The following MEAK7 variants were observed in gnomAD, a reference collection of about 807,000 sequenced individuals.
The protein encoded by MEAK7 is MTOR-associated protein MEAK7.
In MEAK7, 68 loss-of-function variants were observed where a neutral mutation model predicts 40.5. The observed-to-expected ratio is 1.68, with a 90% confidence interval of 1.38 to 2.06. MEAK7 has a LOEUF of 2.06. Among genes scored for constraint, MEAK7 ranks in the 30% most tolerant of loss-of-function variants. The pLI is 0.00. For missense variants in MEAK7, 918 were observed against 580.5 expected, an observed-to-expected ratio of 1.58 and a Z score of -5.98; for synonymous variants, 338 against 231.9, an observed-to-expected ratio of 1.46 and a Z score of -4.16.
chr16:84,501,812 A>G (rs1914527994), intron 1 of MEAK7, among the ~76,000 whole-genome samples: 1 of 152,180 alleles, frequency 6.6e-6, no homozygotes, highest in Non-Finnish European at 1.5e-5. Flanking sequence ...GAACGGCTCA[A>G]GGACAGCCCG....
chr16:84,488,569 G>A (rs190956381), intron 4 of MEAK7: 4 of 152,124 alleles, frequency 2.6e-5, no homozygotes, highest in Middle Eastern at 3.4e-3. Flanking sequence ...AAATTTTAAA[G>A]GATTCAAATA....
In MEAK7 at chr16:84,486,772, C is replaced by T. The variant is rs759631660; in HGVS notation, c.817G>A (p.Glu273Lys). Residue 273 changes from glutamate to lysine, a missense_variant, in exon 5 of 8, where the codon GAG becomes AAG. Physicochemically the swap from Glu to Lys is moderately conservative, Grantham distance 56 (BLOSUM62 1). Coordinates refer to ENST00000343629, the MANE Select transcript of MEAK7 (RefSeq NM_020947.4). ...RHRWCLLFSS[E>K]LHGHSFSQLC... ...TGGGAGAAGCTGTGTCCATGGAGCT[C>T]AGACGAAAAGAGCAGGCACCAGCGG... The T allele has an allele frequency of 6.2e-7, 1 of 1,614,012 alleles. No individual in the cohort carries two copies. Among genetic ancestry groups the T allele is most frequent in the East Asian group, 2.2e-5 (1 of 44,884 alleles).
intron 6 of MEAK7, among the ~76,000 whole-genome samples, chr16:84,481,945 G>A (rs1281013381): frequency 6.6e-6 from 1 of 151,940 alleles, no homozygotes; most frequent in Admixed American, 6.6e-5. Flanking sequence ...AGAAAAAAAA[G>A]AAAAGAAAAG....
rs904166221 is a variant in MEAK7 at position 84,476,539 on chromosome 16, C to T, written c.*3374G>A. 1 of 152,062 alleles carries T rather than the reference C, an allele frequency of 6.6e-6. No homozygotes were observed. Among genetic ancestry groups the T allele is most frequent in the African/African-American group, 2.4e-5 (1 of 41,374 alleles). The allele number at this position is 152,062 out of a possible 1,614,324, so 9.4% of individuals were successfully genotyped here. On this transcript the variant is annotated 3_prime_UTR_variant, in exon 8 of 8. Coordinates refer to ENST00000343629, the MANE Select transcript of MEAK7 (RefSeq NM_020947.4). ...GTTTATCCCACAGACACCATCACAGCAAGGCACACATAAACGATATTCATG... is the reference window on the plus strand; with the variant it reads ...GTTTATCCCACAGACACCATCACAGTAAGGCACACATAAACGATATTCATG...
intron 3 of MEAK7, among the ~76,000 whole-genome samples, chr16:84,493,786 A>C (rs1386255367): frequency 1.3e-5 from 2 of 152,224 alleles, no homozygotes; most frequent in Non-Finnish European, 2.9e-5. Flanking sequence ...TTTGACTGGA[A>C]CAGCATTTTC....
Position 84,480,444 on chromosome 16 carries a change from G to C in MEAK7, c.1257+85C>G, listed in dbSNP as rs1455676180. 7.0e-6 allele frequency: 10 copies of C among 1,434,668 alleles called. No individual in the cohort carries two copies. The African/African-American group carries it at 1.3e-4, about 19-fold the overall frequency. 88.9% of individuals were successfully genotyped at this position (1,434,668 alleles called of 1,614,324 possible). Reference sequence around the variant, plus strand: ...TGGGATAAACTATCTGCAGACAGAAGAGTAAAGGGGTAATGGTAAGAAAAT... The same window carrying C: ...TGGGATAAACTATCTGCAGACAGAACAGTAAAGGGGTAATGGTAAGAAAAT... On this transcript the variant is annotated intron_variant, in intron 7 of 7. Transcript: ENST00000343629.
chr16:84,504,217 T>C, intron 1 of MEAK7: 2 of 943,398 alleles, frequency 2.1e-6, no homozygotes, highest in Non-Finnish European at 2.5e-6. Flanking sequence ...CTTCAGTGTC[T>C]ACCCCAGACT....
At chr16:84,489,851 CATA>C (rs1200857892) in intron 3 of MEAK7, among the ~76,000 whole-genome samples, 1 of 152,136 alleles carries the variant, frequency 6.6e-6, no homozygotes, top group Admixed American at 6.5e-5. Context: ...TTCCTGTTTC[CATA>C]ATGATAGAGG....
At chr16:84,501,808 C>G (rs4782984) in intron 1 of MEAK7, among the ~76,000 whole-genome samples, 7,632 of 152,256 alleles carry the variant, frequency 0.05, 451 homozygotes, top group East Asian at 0.2. Flanking sequence ...CTCAGAACGG[C>G]TCAAGGACAG....
chr16:84,491,198 G>C (rs1913568071), intron 3 of MEAK7, among the ~76,000 whole-genome samples: 1 of 152,222 alleles, frequency 6.6e-6, no homozygotes. Flanking sequence ...CCTCCACTTT[G>C]GGAGGCCAAG....
chr16:84,480,633 G>C lies in MEAK7; in HGVS notation c.1153C>G (p.Pro385Ala), dbSNP rs201780127. 4 of 1,613,958 alleles carry C rather than the reference G, an allele frequency of 2.5e-6. No homozygotes were observed. Among genetic ancestry groups the C allele is most frequent in the South Asian group, 2.2e-5 (2 of 91,088 alleles). Residue 385 changes from proline to alanine, a missense_variant, in exon 7 of 8, where the codon CCC (proline) becomes GCC (alanine). By Grantham distance (27) the Pro-to-Ala change is conservative. Transcript: ENST00000343629. ...GGGCTGTTGTACGTGGTGCACGTGG[G>C]CTTGGCTCTGCTGTGTCCTTTCCCA... ...DFGKGHSRAK[P>A]TCTTYNSPQL...
intron 6 of MEAK7, among the ~76,000 whole-genome samples, chr16:84,482,138 GC>G (rs1299125375): frequency 1.3e-5 from 2 of 152,058 alleles, no homozygotes; most frequent in Non-Finnish European, 2.9e-5. Context: ...ATGTCACCAA[GC>G]TGAAGCGAGG....
At position 84,479,803 on chromosome 16, in the gene MEAK7, G is replaced by A. The variant is rs575610820; in HGVS notation, c.*110C>T. ...ATGTGGGACTACCAGGCTGTGACCCGTGCGGTACGCTATTACAGTTAAACC... is the reference window on the plus strand; with the variant it reads ...ATGTGGGACTACCAGGCTGTGACCCATGCGGTACGCTATTACAGTTAAACC... On this transcript the variant is annotated 3_prime_UTR_variant, in exon 8 of 8. Transcript: ENST00000343629. 18 of 736,826 alleles carry A rather than the reference G, an allele frequency of 2.4e-5. No individual in the cohort carries two copies. Among genetic ancestry groups the A allele is most frequent in the Middle Eastern group, 4.2e-4 (1 of 2,380 alleles). 45.6% of individuals were successfully genotyped at this position (736,826 alleles called of 1,614,324 possible).
At chr16:84,493,647 T>A (rs956571282) in intron 3 of MEAK7, among the ~76,000 whole-genome samples, 2 of 152,228 alleles carry the variant, frequency 1.3e-5, no homozygotes, top group Non-Finnish European at 2.9e-5. Flanking sequence ...ACCTAATTTC[T>A]CTAAAATTTG....
intron 1 of MEAK7, among the ~76,000 whole-genome samples, chr16:84,499,573 G>C (rs1447121500): frequency 6.6e-6 from 1 of 152,144 alleles, no homozygotes; most frequent in Non-Finnish European, 1.5e-5. Context: ...GTGGCATTTA[G>C]GACCTTCACA....
At chr16:84,501,451 C>T (rs1418895475) in intron 1 of MEAK7, among the ~76,000 whole-genome samples, 1 of 152,080 alleles carries the variant, frequency 6.6e-6, no homozygotes, top group Non-Finnish European at 1.5e-5. Flanking sequence ...CCACTGTGGT[C>T]GGAGAACAGC....
rs749898735 is a variant in MEAK7 at position 84,489,400 on chromosome 16, G to A, written c.407C>T (p.Ser136Phe). 1.2e-6 allele frequency: 2 copies of A among 1,612,918 alleles called. No homozygotes were observed. Among genetic ancestry groups the A allele is most frequent in the South Asian group, 1.1e-5 (1 of 90,890 alleles). ...TCTGTGGCTTAGCACGTGCACCACA[G>A]AGCCAACCAGATCCTCTGTAAACTG... The part of the protein sequence containing the change: ...VQKFTEDLVG[S>F]VVHVLSHRQE... Residue 136 changes from serine to phenylalanine, a missense_variant, in exon 4 of 8, where the codon TCT becomes TTT. By Grantham distance (155) the Ser-to-Phe change is radical (BLOSUM62 -2). Transcript: ENST00000343629.
intron 1 of MEAK7, among the ~76,000 whole-genome samples, chr16:84,500,718 C>T (rs891067866): frequency 6.6e-6 from 1 of 152,144 alleles, no homozygotes; most frequent in African/African-American, 2.4e-5. Flanking sequence ...AGCCTGGACT[C>T]AATGTCCAGC....
intron 2 of MEAK7, among the ~76,000 whole-genome samples, 166 bp from the exon 3 acceptor site, chr16:84,496,079 C>T (rs1914022773): frequency 6.6e-6 from 1 of 152,186 alleles, no homozygotes. Flanking sequence ...CTCTTAGAGC[C>T]AGGCCGGAAA....
Sources: allele counts gnomAD v4.1 joint callset (sites outside exome capture counted in the v4.1 genomes callset), GRCh38; gene constraint gnomAD v4.1.1; transcripts MANE v1.5; gene names NCBI Gene and HGNC (gene_info 2026-07-23, HGNC 2026-07-21).